Variants in MGAT4C observed in about 807,000 individuals in gnomAD.
MGAT4C encodes the protein MGAT4 family member C.
In MGAT4C, 19 loss-of-function variants were observed where a neutral mutation model predicts 40.1. That is an observed-to-expected ratio of 0.47 (90% CI 0.33 to 0.70). The LOEUF is 0.70. Ranked by LOEUF, MGAT4C falls within the 30% of genes least tolerant of loss-of-function variation. The probability of loss-of-function intolerance (pLI) is 0.02; values close to 1 mark genes in which losing one functional copy is unlikely to be tolerated. For synonymous variants in MGAT4C, 181 were observed against 187.1 expected, an observed-to-expected ratio of 0.97 and a Z score of 0.27; for missense variants, 491 against 563.2, an observed-to-expected ratio of 0.87 and a Z score of 1.30.
At chr12:86,191,788 G>GTGTGTGTGTGTGTGT (rs10526767) in intron 1 of MGAT4C, among the ~76,000 whole-genome samples, 8 of 132,442 alleles carry the variant, frequency 6.0e-5, no homozygotes, top group South Asian at 5.3e-4. Context: ...GTGTGTGTGT[G>GTGTGTGTGTGTGTGT]GTGTTTTCAG....
chr12:86,562,636 T>C (rs1195847425), intron 2 of MGAT4C, among the ~76,000 whole-genome samples: 1 of 151,978 alleles, frequency 6.6e-6, no homozygotes, highest in Non-Finnish European at 1.5e-5. Context: ...AACACCTCTG[T>C]TTGCTTCTAG....
chr12:86,261,500 TAA>T (rs1443468135), intron 4 of MGAT4C, among the ~76,000 whole-genome samples: 1 of 151,972 alleles, frequency 6.6e-6, no homozygotes, highest in Non-Finnish European at 1.5e-5. Flanking sequence ...TTTGAATTAG[TAA>T]AAAAACATCA....
intron 2 of MGAT4C, among the ~76,000 whole-genome samples, chr12:86,697,974 T>C (rs539415826): frequency 6.6e-6 from 1 of 152,126 alleles, no homozygotes; most frequent in Non-Finnish European, 1.5e-5. Flanking sequence ...CTTAAATAGA[T>C]GTATTATATT....
intron 2 of MGAT4C, among the ~76,000 whole-genome samples, chr12:86,525,318 A>G (rs1958862510): frequency 6.6e-6 from 1 of 152,118 alleles, no homozygotes; most frequent in Non-Finnish European, 1.5e-5. Context: ...CTTGCCTTCC[A>G]CCATGATTGT....
At chr12:86,507,423 C>A (rs1053055836) in intron 2 of MGAT4C, among the ~76,000 whole-genome samples, 10 of 152,110 alleles carry the variant, frequency 6.6e-5, no homozygotes, top group Non-Finnish European at 1.5e-4. Context: ...GTTTGAATAT[C>A]TGACTTGCTT....
intron 2 of MGAT4C, among the ~76,000 whole-genome samples, chr12:86,029,035 T>C (rs761197193): frequency 1.3e-5 from 2 of 151,930 alleles, no homozygotes; most frequent in Non-Finnish European, 2.9e-5. Flanking sequence ...TTATAAAAGA[T>C]TGAAATGATT....
intron 1 of MGAT4C, among the ~76,000 whole-genome samples, chr12:86,235,535 C>G (rs1951498635): frequency 6.6e-6 from 1 of 152,018 alleles, no homozygotes; most frequent in Non-Finnish European, 1.5e-5. Flanking sequence ...TGTCACTTAA[C>G]TCAATGCTAT....
At chr12:86,271,846 C>T (rs1443771693) in intron 4 of MGAT4C, among the ~76,000 whole-genome samples, 2 of 152,150 alleles carry the variant, frequency 1.3e-5, no homozygotes, top group African/African-American at 2.4e-5. Context: ...CTGTCATTTG[C>T]AGCAACAAGG....
At chr12:86,325,481 A>G (rs1216676226) in intron 4 of MGAT4C, among the ~76,000 whole-genome samples, 1 of 152,214 alleles carries the variant, frequency 6.6e-6, no homozygotes, top group Non-Finnish European at 1.5e-5. Flanking sequence ...TTACAGTTCA[A>G]TCCTGACTTG....
chr12:86,251,017 G>C lies in MGAT4C; in HGVS notation c.-57+5222C>G, dbSNP rs1196236582. Among the ~76,000 whole-genome samples the C allele has an allele frequency of 2.0e-5, 3 of 151,804 alleles. No individual in the cohort carries two copies. In the East Asian group the frequency reaches 5.8e-4, roughly 29 times the overall value. ...CAATGAAAACAATGAAAATACTAAA[G>C]AGAGGCAATAGTAATTGAACATTTA... On this transcript the variant is annotated intron_variant, in intron 1 of 4. Transcript: ENST00000611864.
chr12:86,573,038 G>GC (rs1555206043), intron 2 of MGAT4C, among the ~76,000 whole-genome samples: 3 of 150,156 alleles, frequency 2.0e-5, no homozygotes, highest in Non-Finnish European at 4.5e-5. Flanking sequence ...AAACATGTCT[G>GC]TTTTTTTTTC....
At chr12:86,170,097 G>A (rs1886650129) in intron 1 of MGAT4C, among the ~76,000 whole-genome samples, 1 of 152,192 alleles carries the variant, frequency 6.6e-6, no homozygotes, top group African/African-American at 2.4e-5. Flanking sequence ...ACTCCCAGAT[G>A]TGTGGCAGAA....
In MGAT4C at chr12:86,700,138, TAGACAGACAGACAGACAGAC is replaced by T. The variant is rs60647571; in HGVS notation, c.-229+27051_-229+27070del. ...TAGGTAGATAGATAATGTAGATAGA[TAGACAGACAGACAGACAGAC>T]AGACAGACAGACAGACAGACAGATA... On this transcript the variant is annotated intron_variant, in intron 2 of 7. Coordinates refer to the MGAT4C transcript ENST00000548651. Among the ~76,000 whole-genome samples, 1,344 of 142,286 alleles carry T rather than the reference TAGACAGACAGACAGACAGAC, an allele frequency of 9.4e-3. 12 individuals are homozygous for T. The highest frequency in any genetic ancestry group is 0.013 in the Non-Finnish European group (827 of 65,528). 93.3% of individuals were successfully genotyped at this position (142,286 alleles called of 152,430 possible). A position where few individuals can be genotyped will look rare whatever the true frequency, so the allele number is the denominator to read the frequency against.
At chr12:86,625,003 A>AGGGCGGTTTTCCCCATGCTGGTCT (rs1962757178) in intron 2 of MGAT4C, among the ~76,000 whole-genome samples, 1 of 152,032 alleles carries the variant, frequency 6.6e-6, no homozygotes, top group East Asian at 1.9e-4. Flanking sequence ...CTGGATCATG[A>AGGGCGGTTTTCCCCATGCTGGTCT]GGGCGGTTTT....
chr12:86,785,000 T>C (rs1207603355), intron 1 of MGAT4C, among the ~76,000 whole-genome samples: 1 of 151,992 alleles, frequency 6.6e-6, no homozygotes, highest in Non-Finnish European at 1.5e-5. Flanking sequence ...GATCAATGCA[T>C]GATATAAACT....
intron 4 of MGAT4C, among the ~76,000 whole-genome samples, chr12:86,316,346 C>T (rs1047030721): frequency 2.6e-5 from 4 of 152,144 alleles, no homozygotes; most frequent in African/African-American, 4.8e-5. Context: ...TACCATTCAG[C>T]ACAGCAATCC....
chr12:86,067,815 G>T (rs553909617), intron 1 of MGAT4C, among the ~76,000 whole-genome samples: 6 of 152,290 alleles, frequency 3.9e-5, no homozygotes, highest in African/African-American at 1.4e-4. Flanking sequence ...CATAAGGCAT[G>T]TAGTAGATTA....
At chr12:86,709,281 T>C (rs1277339563) in intron 2 of MGAT4C, among the ~76,000 whole-genome samples, 1 of 152,200 alleles carries the variant, frequency 6.6e-6, no homozygotes, top group African/African-American at 2.4e-5. Flanking sequence ...TTCACCATGA[T>C]TGTCAGGCTT....
chr12:86,648,463 T>C (rs1236670455), intron 2 of MGAT4C, among the ~76,000 whole-genome samples: 1 of 151,840 alleles, frequency 6.6e-6, no homozygotes, highest in African/African-American at 2.4e-5. Flanking sequence ...AGGGTGGGGC[T>C]TTCATGGTGA....
Sources: allele counts gnomAD v4.1 joint callset (sites outside exome capture counted in the v4.1 genomes callset), GRCh38; gene constraint gnomAD v4.1.1; transcripts MANE v1.5; gene names NCBI Gene and HGNC (gene_info 2026-07-23, HGNC 2026-07-21).